RBM48: variants seen among roughly 807,000 people sequenced by gnomAD.
RBM48 encodes RNA binding motif protein 48, also known as RNA-binding protein 48.
Under a neutral mutation model 34.8 loss-of-function variants are expected in RBM48, and 32 were observed. The observed-to-expected ratio is 0.92, with a 90% CI of 0.69 to 1.23. The LOEUF is 1.23. Ranked by LOEUF, RBM48 falls within the 50% of genes most tolerant of loss-of-function variation. RBM48 has a pLI of 0.00. For missense variants in RBM48, 441 were observed against 447.2 expected, an observed-to-expected ratio of 0.99 and a Z score of 0.12; for synonymous variants, 151 against 156.2, an observed-to-expected ratio of 0.97 and a Z score of 0.25.
chr7:92,532,755 T>A (rs1793608302), intron 3 of RBM48, among the ~76,000 whole-genome samples: 1 of 152,212 alleles, frequency 6.6e-6, no homozygotes, highest in Admixed American at 6.5e-5. Context: ...TCCTATAGTA[T>A]GTGAGAAGTG....
rs370109384 is a variant in RBM48, at chr7:92,529,468, T to G, written c.112-8T>G. On this transcript the variant is annotated splice_polypyrimidine_tract_variant and splice_region_variant and intron_variant, in intron 1 of 4. Transcript: ENST00000265732. ...GAAATACGTTTAATAACTCTGCATT[T>G]CTTTCAGGTATATACAATCAATTTG... 5.7e-4 allele frequency: 875 copies of G among 1,542,144 alleles called. 1 individual carries two copies. Among genetic ancestry groups the G allele is most frequent in the Non-Finnish European group, 7.5e-4 (847 of 1,129,734 alleles).
At position 92,536,818 on chromosome 7, in the gene RBM48, A is replaced by G; in HGVS notation, c.1018-33A>G. On this transcript the variant is annotated intron_variant, in intron 4 of 4. Transcript: ENST00000265732. ...TATTTACTCCTGTGCTATAGAAACT[A>G]AGTTTTAATGGTTCTTTTTTTTTTT... The G allele has an allele frequency of 1.9e-6, 3 of 1,548,300 alleles. No individual in the cohort carries two copies. In the East Asian group the frequency reaches 6.9e-5, roughly 36 times the overall value.
intron 3 of RBM48, among the ~76,000 whole-genome samples, chr7:92,533,115 A>G (rs1204758892): frequency 6.6e-6 from 1 of 152,218 alleles, no homozygotes; most frequent in Non-Finnish European, 1.5e-5. Context: ...ATGCCCCCAC[A>G]TGCCTGTTCT....
chr7:92,534,936 C>A lies in RBM48; in HGVS notation c.983C>A (p.Thr328Lys). The A allele has an allele frequency of 6.2e-7, 1 of 1,614,140 alleles. No homozygotes were observed. Among genetic ancestry groups the A allele is most frequent in the Non-Finnish European group, 8.5e-7 (1 of 1,180,004 alleles). The change falls in exon 4 of 5, where the codon ACA becomes AAA. Residue 328 changes from threonine (T) to lysine (K), a missense_variant. Thr to Lys is a moderately conservative substitution (Grantham distance 78). Coordinates refer to ENST00000265732, the MANE Select transcript of RBM48 (RefSeq NM_032120.4). ...KVDMHDDSLN[T>K]TANLIRHKLK... ...GATATGCACGATGACTCATTGAATA[C>A]AACGGCGAATTTAATTCGGCATAAA...
Position 92,537,134 on chromosome 7 carries a change from ATGCAGTGG to A in RBM48, c.*198_*205del, listed in dbSNP as rs1585280163. 5.0e-6 allele frequency: 2 copies of A among 403,168 alleles called. No homozygotes were observed. Among genetic ancestry groups the A allele is most frequent in the Non-Finnish European group, 4.5e-6 (1 of 220,230 alleles). 25.0% of individuals were successfully genotyped at this position (403,168 alleles called of 1,614,324 possible). A position where few individuals can be genotyped will look rare whatever the true frequency, so the allele number is the denominator to read the frequency against. ...GTCTTGCTCTGTTGCCCAGGCTGGA[ATGCAGTGG>A]CGTGATCTCGGCTCACTGCAACCTC... On this transcript the variant is annotated 3_prime_UTR_variant, in exon 5 of 5. Coordinates refer to ENST00000265732, the MANE Select transcript of RBM48 (RefSeq NM_032120.4).
chr7:92,530,920 A>C (rs1246729310), intron 2 of RBM48, among the ~76,000 whole-genome samples: 2 of 152,032 alleles, frequency 1.3e-5, no homozygotes, highest in Non-Finnish European at 2.9e-5. Context: ...GTATTTTGTA[A>C]AAATACAAAA....
Position 92,536,843 on chromosome 7 carries a change from T to G in RBM48, c.1018-8T>G. 6.4e-7 allele frequency: 1 copy of G among 1,572,658 alleles called. No individual in the cohort carries two copies. The highest frequency in any genetic ancestry group is 8.6e-7 in the Non-Finnish European group (1 of 1,166,128). On this transcript the variant is annotated splice_polypyrimidine_tract_variant and splice_region_variant and intron_variant, in intron 4 of 4. Coordinates refer to ENST00000265732, the MANE Select transcript of RBM48 (RefSeq NM_032120.4). The stretch of plus-strand genomic sequence containing the variant: ...AAGTTTTAATGGTTCTTTTTTTTTT[T>G]TAATTAGGTAATTTCATCTGTGCCA...
In RBM48 at chr7:92,529,457, A is replaced by G. The variant is rs1184391828; in HGVS notation, c.112-19A>G. On this transcript the variant is annotated intron_variant, in intron 1 of 4. Transcript: ENST00000265732. ...GGCTTATTTGCGAAATACGTTTAAT[A>G]ACTCTGCATTTCTTTCAGGTATATA... 18 of 1,485,942 alleles carry G rather than the reference A, an allele frequency of 1.2e-5. No homozygotes were observed. The highest frequency in any genetic ancestry group is 1.8e-4 in the Middle Eastern group (1 of 5,634). The allele number at this position is 1,485,942 out of a possible 1,614,324, so 92.0% of individuals were successfully genotyped here.
chr7:92,533,083 CT>C (rs1244794591), intron 3 of RBM48, among the ~76,000 whole-genome samples: 1 of 152,200 alleles, frequency 6.6e-6, no homozygotes, highest in Non-Finnish European at 1.5e-5. Flanking sequence ...AGAAGTTCTA[CT>C]TTTGACCAGC....
rs1793732832 is a variant in RBM48 at position 92,536,994 on chromosome 7, C to CT, written c.*58dup. On this transcript the variant is annotated 3_prime_UTR_variant, in exon 5 of 5. Coordinates refer to ENST00000265732, the MANE Select transcript of RBM48 (RefSeq NM_032120.4). ...AGAACATTTATTATTTATTTTTAGCCTGTCATTTTAATTCTTCAAGAGATT... is the reference window on the plus strand; with the variant it reads ...AGAACATTTATTATTTATTTTTAGCCTTGTCATTTTAATTCTTCAAGAGATT... 4 of 1,284,114 alleles carry CT rather than the reference C, an allele frequency of 3.1e-6. No homozygotes were observed. The highest frequency in any genetic ancestry group is 4.3e-6 in the Non-Finnish European group (4 of 934,842). 79.5% of individuals were successfully genotyped at this position (1,284,114 alleles called of 1,614,324 possible). A position where few individuals can be genotyped will look rare whatever the true frequency, so the allele number is the denominator to read the frequency against.
intron 4 of RBM48, chr7:92,535,819 A>G (rs1339044916): frequency 2.6e-5 from 26 of 982,526 alleles, no homozygotes; most frequent in Non-Finnish European, 3.0e-5. Flanking sequence ...ATCCGTGGGC[A>G]CAGTTTTGAA....
chr7:92,536,096 C>A, intron 4 of RBM48: 1 of 909,068 alleles, frequency 1.1e-6, no homozygotes, highest in Non-Finnish European at 1.3e-6. Context: ...TGCCACTGCA[C>A]TCCAGCCTGG....
intron 4 of RBM48, 200 bp downstream of exon 4, chr7:92,535,170 A>G: frequency 7.0e-7 from 1 of 1,424,028 alleles, no homozygotes; most frequent in Non-Finnish European, 9.2e-7. Context: ...GCTTTAAACA[A>G]TGAACAGACA....
intron 4 of RBM48, chr7:92,535,814 T>C (rs12535399): frequency 2.0e-6 from 2 of 982,366 alleles, no homozygotes; most frequent in Non-Finnish European, 2.4e-6. Context: ...TTAAAATCCG[T>C]GGGCACAGTT....
In RBM48 at chr7:92,534,465, A is replaced by G; in HGVS notation, c.512A>G (p.Asp171Gly). ...AAAGACACAGAGGATTTTAGACAAG[A>G]CTTCCACTCAGAGATGTCTGGATTT... ...EHKDTEDFRQ[D>G]FHSEMSGFCK... Residue 171 changes from aspartate to glycine, a missense_variant, in exon 4 of 5, where the codon GAC becomes GGC. Transcript: ENST00000265732. 1 of 1,614,078 alleles carries G rather than the reference A, an allele frequency of 6.2e-7. No homozygotes were observed. Among genetic ancestry groups the G allele is most frequent in the Non-Finnish European group, 8.5e-7 (1 of 1,179,968 alleles).
rs1317824522 is a variant in RBM48, at chr7:92,531,107, T to A, written c.303-1297T>A. Among the ~76,000 whole-genome samples the A allele has an allele frequency of 2.0e-5, 3 of 151,912 alleles. No individual in the cohort carries two copies. The East Asian group carries it at 5.8e-4, about 29-fold the overall frequency. On this transcript the variant is annotated intron_variant, in intron 2 of 4. Transcript: ENST00000265732. ...AAGAAAAAAAAAGTTGGGTTTGGAG[T>A]AAGTTTTCCATTTCCACTGCTTACT... is the stretch of plus-strand genomic sequence containing the variant.
chr7:92,535,727 A>T (rs1363330520), intron 4 of RBM48: 4 of 983,348 alleles, frequency 4.1e-6, no homozygotes, highest in Non-Finnish European at 4.8e-6. Context: ...TGATTAAGGG[A>T]GGCTAAGGTA....
In RBM48 at chr7:92,529,648, T is replaced by G; in HGVS notation, c.284T>G (p.Met95Arg). The change falls in exon 2 of 5, where the codon ATG becomes AGG. Residue 95 changes from methionine (M) to arginine (R), a missense_variant. Physicochemically the swap from Met to Arg is moderately conservative, Grantham distance 91. Transcript: ENST00000265732. ...DFTEVYLIKF[M>R]NLQSARTAKR... is the part of the protein sequence containing the mutation. ...ACTGAAGTTTATCTTATTAAATTTATGAACTTACAAAGTGCAAGGTAATGT... is the reference window on the plus strand; with the variant it reads ...ACTGAAGTTTATCTTATTAAATTTAGGAACTTACAAAGTGCAAGGTAATGT... 6.3e-7 allele frequency: 1 copy of G among 1,593,608 alleles called. No individual in the cohort carries two copies. Among genetic ancestry groups the G allele is most frequent in the Non-Finnish European group, 8.6e-7 (1 of 1,167,000 alleles).
chr7:92,534,273 A>G (rs1793646769), intron 3 of RBM48, 129 bp from the exon 4 acceptor site: 2 of 1,331,824 alleles, frequency 1.5e-6, no homozygotes, highest in Admixed American at 2.1e-5. Flanking sequence ...CTTCTCAAGA[A>G]ATGATTTTTT....
Sources: allele counts gnomAD v4.1 joint callset (sites outside exome capture counted in the v4.1 genomes callset), GRCh38; gene constraint gnomAD v4.1.1; transcripts MANE v1.5; gene names NCBI Gene and HGNC (gene_info 2026-07-23, HGNC 2026-07-21).